The following GRID2 variants were observed in gnomAD, a reference collection of about 807,000 sequenced individuals.
The protein encoded by GRID2 is glutamate receptor ionotropic, delta-2.
A neutral mutation model predicts 114.8 loss-of-function variants in GRID2; 33 were observed. That is an observed-to-expected ratio of 0.29 (90% CI 0.22 to 0.38). The LOEUF (loss-of-function observed/expected upper bound fraction) is 0.38. Among genes scored for constraint, GRID2 ranks in the 10% least tolerant of loss-of-function variants. The pLI is 1.00. For synonymous variants in GRID2, 505 were observed against 449.9 expected, an observed-to-expected ratio of 1.12 and a Z score of -1.55; for missense variants, 1,184 against 1,257.7, an observed-to-expected ratio of 0.94 and a Z score of 0.89.
At chr4:93,426,801 T>C (rs1054530082) in intron 10 of GRID2, among the ~76,000 whole-genome samples, 3 of 152,010 alleles carry the variant, frequency 2.0e-5, no homozygotes, top group Admixed American at 6.6e-5. Flanking sequence ...AAATAAAAAA[T>C]TGAGGCTTAA....
intron 14 of GRID2, among the ~76,000 whole-genome samples, chr4:93,664,420 A>G (rs34025005): frequency 0.37 from 55,828 of 152,122 alleles, 10,487 homozygotes; most frequent in East Asian, 0.59. Flanking sequence ...GTGGAAGCAG[A>G]CAGTTTCATG....
At chr4:92,925,447 C>T (rs1327515319) in intron 2 of GRID2, among the ~76,000 whole-genome samples, 1 of 152,016 alleles carries the variant, frequency 6.6e-6, no homozygotes, top group Non-Finnish European at 1.5e-5. Context: ...AAGCTGACTA[C>T]ATTTTCAAAG....
chr4:93,299,817 G>T, intron 8 of GRID2, among the ~76,000 whole-genome samples: 1 of 151,774 alleles, frequency 6.6e-6, no homozygotes, highest in African/African-American at 2.4e-5. Context: ...TTATTCCTTT[G>T]TATTGTGCCT....
rs147702230 is a variant in GRID2, at chr4:93,708,098, T to A, written c.2361-61112T>A. 3.3e-5 allele frequency among the ~76,000 whole-genome samples: 5 copies of A among 152,208 alleles called. No individual in the cohort carries two copies. The East Asian group carries it at 7.7e-4, about 23-fold the overall frequency. ...TATTTTAATTTTTTAAGACTTGTTT[T>A]GTAGCCTAACTTATGGTCTACTGAA... On this transcript the variant is annotated intron_variant, in intron 14 of 15. Coordinates refer to ENST00000282020, the MANE Select transcript of GRID2 (RefSeq NM_001510.4).
intron 2 of GRID2, among the ~76,000 whole-genome samples, chr4:92,688,187 T>C (rs1179128791): frequency 3.3e-5 from 5 of 151,362 alleles, no homozygotes; most frequent in African/African-American, 9.7e-5. Context: ...GTAGCTGAGA[T>C]GACAGGTGCC....
Position 93,164,160 on chromosome 4 carries a change from GA to G in GRID2, c.736-43236del, listed in dbSNP as rs869237106. On this transcript the variant is annotated intron_variant, in intron 4 of 15. Transcript: ENST00000282020. Reference sequence around the variant, plus strand: ...AGGCGAAAAACCAAGCCCGGGGGGGGAAAAAAAAGGTAATTTAGAAAAGAAA... The same window carrying G: ...AGGCGAAAAACCAAGCCCGGGGGGGGAAAAAAAGGTAATTTAGAAAAGAAA... Among the ~76,000 whole-genome samples, 428 of 151,022 alleles carry G rather than the reference GA, an allele frequency of 2.8e-3. 3 individuals are homozygous for G. Among genetic ancestry groups the G allele is most frequent in the African/African-American group, 5.3e-3 (217 of 41,208 alleles).
At chr4:92,358,554 C>G (rs1340354618) in intron 1 of GRID2, among the ~76,000 whole-genome samples, 1 of 151,744 alleles carries the variant, frequency 6.6e-6, no homozygotes, top group Non-Finnish European at 1.5e-5. Context: ...ACATTGGGAA[C>G]TTAAGGGAAA....
At chr4:92,897,737 C>T (rs967543530) in intron 2 of GRID2, among the ~76,000 whole-genome samples, 6 of 151,672 alleles carry the variant, frequency 4.0e-5, no homozygotes, top group East Asian at 1.9e-4. Flanking sequence ...TGGAACACAA[C>T]GAAAAAAGGA....
chr4:93,168,635 C>A (rs2149418601), intron 4 of GRID2, among the ~76,000 whole-genome samples: 1 of 152,158 alleles, frequency 6.6e-6, no homozygotes, highest in South Asian at 2.1e-4. Flanking sequence ...TCTGTTTTGG[C>A]TATTTCCTTG....
At chr4:92,364,843 C>T (rs554627018) in intron 1 of GRID2, among the ~76,000 whole-genome samples, 145 of 152,164 alleles carry the variant, frequency 9.5e-4, no homozygotes, top group Non-Finnish European at 1.7e-3. Context: ...GAGACTCCCC[C>T]TGTAATCCCG....
chr4:93,557,331 T>C (rs942163651), intron 13 of GRID2, among the ~76,000 whole-genome samples: 1 of 152,138 alleles, frequency 6.6e-6, no homozygotes, highest in Non-Finnish European at 1.5e-5. Flanking sequence ...CAGTGTGCTG[T>C]ATTCAGGAGA....
At chr4:93,036,612 A>C (rs1385995850) in intron 2 of GRID2, among the ~76,000 whole-genome samples, 48 of 152,170 alleles carry the variant, frequency 3.2e-4, no homozygotes, top group Non-Finnish European at 1.5e-5. Context: ...TTAGCCAATA[A>C]TGTTATCAGA....
intron 4 of GRID2, among the ~76,000 whole-genome samples, chr4:93,171,585 G>C (rs906658861): frequency 6.6e-6 from 1 of 152,104 alleles, no homozygotes; most frequent in Non-Finnish European, 1.5e-5. Flanking sequence ...TCCTAAACCA[G>C]GCTTCCAAAT....
At chr4:92,429,647 A>T (rs1218720978) in intron 1 of GRID2, among the ~76,000 whole-genome samples, 2 of 152,122 alleles carry the variant, frequency 1.3e-5, no homozygotes, top group Non-Finnish European at 2.9e-5. Flanking sequence ...ATGGTAGTCT[A>T]TTTTTAGTTT....
At chr4:93,235,896 T>G (rs942417985) in intron 7 of GRID2, among the ~76,000 whole-genome samples, 1 of 152,044 alleles carries the variant, frequency 6.6e-6, no homozygotes, top group African/African-American at 2.4e-5. Context: ...CAGATTAGTC[T>G]AGTGCTCAAA....
At chr4:93,666,362 G>A (rs925010803) in intron 14 of GRID2, among the ~76,000 whole-genome samples, 4 of 151,952 alleles carry the variant, frequency 2.6e-5, no homozygotes, top group African/African-American at 9.7e-5. Flanking sequence ...GAAAAAACTG[G>A]CAAGTAAATA....
In GRID2 at chr4:93,605,851, G is replaced by A. The variant is rs78876113; in HGVS notation, c.2194-20418G>A. Among the ~76,000 whole-genome samples the A allele has an allele frequency of 2.6e-3, 392 of 152,270 alleles. 1 individual carries two copies. In the Middle Eastern group the frequency reaches 0.034, roughly 13 times the overall value. ...TGCTTTAGGAGTAAATACAAGGTGC[G>A]ATAGGATCATATAAGGGGACACTAA... On this transcript the variant is annotated intron_variant, in intron 13 of 15. Coordinates refer to ENST00000282020, the MANE Select transcript of GRID2 (RefSeq NM_001510.4).
At chr4:92,597,384 A>G (rs970743490) in intron 2 of GRID2, among the ~76,000 whole-genome samples, 9 of 152,266 alleles carry the variant, frequency 5.9e-5, no homozygotes, top group African/African-American at 1.9e-4. Context: ...GGTCTCTACT[A>G]CAGTGAATGG....
intron 2 of GRID2, among the ~76,000 whole-genome samples, chr4:92,901,164 A>T (rs1290114905): frequency 6.6e-6 from 1 of 152,152 alleles, no homozygotes; most frequent in African/African-American, 2.4e-5. Context: ...TGTTTTCCAT[A>T]GATGTTGTAT....
Sources: allele counts gnomAD v4.1 joint callset (sites outside exome capture counted in the v4.1 genomes callset), GRCh38; gene constraint gnomAD v4.1.1; transcripts MANE v1.5; gene names NCBI Gene and HGNC (gene_info 2026-07-23, HGNC 2026-07-21).